EPHA7: variants seen among roughly 807,000 people sequenced by gnomAD.
The protein encoded by EPHA7 is EPH receptor A7.
In EPHA7, 25 loss-of-function variants were observed where a neutral mutation model predicts 112.6. That is an observed-to-expected ratio of 0.22 (90% CI 0.16 to 0.31). The LOEUF (loss-of-function observed/expected upper bound fraction) is 0.31. Ranked by LOEUF, EPHA7 falls within the 10% of genes least tolerant of loss-of-function variation. The probability of loss-of-function intolerance (pLI) is 1.00; values close to 1 mark genes in which losing one functional copy is unlikely to be tolerated. For missense variants in EPHA7, 962 were observed against 1,212.6 expected (o/e 0.79, Z 3.07); for synonymous variants, 437 against 406.5 (o/e 1.07, Z -0.90).
chr6:93,270,951 A>C (rs1771187916), intron 6 of EPHA7, among the ~76,000 whole-genome samples: 1 of 151,806 alleles, frequency 6.6e-6, no homozygotes, highest in Admixed American at 6.6e-5. Flanking sequence ...TGATTTGAAC[A>C]TATTTATTCT....
At chr6:93,283,774 G>T (rs757885935) in intron 5 of EPHA7, among the ~76,000 whole-genome samples, 4 of 152,134 alleles carry the variant, frequency 2.6e-5, no homozygotes, top group Non-Finnish European at 5.9e-5. Flanking sequence ...CTTCATTCTT[G>T]AAGTCAGTGA....
intron 5 of EPHA7, among the ~76,000 whole-genome samples, chr6:93,302,254 T>G (rs1430806859): frequency 6.6e-6 from 1 of 152,196 alleles, no homozygotes; most frequent in Non-Finnish European, 1.5e-5. Flanking sequence ...TTGAAGATTT[T>G]AGTCCCTAGC....
At position 93,246,823 on chromosome 6, in the gene EPHA7, T is replaced by C. The variant is rs1445240842; in HGVS notation, c.2695A>G (p.Ser899Gly). The C allele has an allele frequency of 6.2e-7, 1 of 1,612,376 alleles. No homozygotes were observed. Among genetic ancestry groups the C allele is most frequent in the Admixed American group, 1.7e-5 (1 of 60,008 alleles). ...CAAGTTCCCAGGGGAGTTTTCAGAC[T>C]ATTTGGGTTTCGAATCATTTTGTCT... The part of the protein sequence containing the change: ...ILDKMIRNPN[S>G]LKTPLGTCSR... The change falls in exon 15 of 17, where the codon AGT (serine) becomes GGT (glycine). Residue 899 changes from serine to glycine, a missense_variant. Physicochemically the swap from Ser to Gly is moderately conservative, Grantham distance 56 (BLOSUM62 0). Around this residue, in one of 3 missense-constraint regions of EPHA7, gnomAD observed 746 missense variants for 889.2 expected, o/e 0.84. Coordinates refer to ENST00000369303, the MANE Select transcript of EPHA7 (RefSeq NM_004440.4).
chr6:93,374,844 T>C (rs1028411864), intron 3 of EPHA7, among the ~76,000 whole-genome samples: 1 of 152,110 alleles, frequency 6.6e-6, no homozygotes, highest in African/African-American at 2.4e-5. Flanking sequence ...AATGTAAGAG[T>C]GTTTGGCACA....
chr6:93,397,178 G>T (rs1176160838), intron 3 of EPHA7, among the ~76,000 whole-genome samples: 1 of 151,550 alleles, frequency 6.6e-6, no homozygotes, highest in Non-Finnish European at 1.5e-5. Flanking sequence ...ACCAACACTT[G>T]TAAGAACACA....
intron 5 of EPHA7, among the ~76,000 whole-genome samples, chr6:93,285,253 T>C (rs1488261186): frequency 6.6e-6 from 1 of 152,228 alleles, no homozygotes; most frequent in Non-Finnish European, 1.5e-5. Context: ...ATTAATTTAC[T>C]ATATAATATT....
At chr6:93,337,632 A>G (rs1203462351) in intron 5 of EPHA7, among the ~76,000 whole-genome samples, 1 of 152,150 alleles carries the variant, frequency 6.6e-6, no homozygotes, top group African/African-American at 2.4e-5. Flanking sequence ...AGCTGGCAGG[A>G]AAAGAAAATA....
At chr6:93,281,154 G>T (rs554545530) in intron 5 of EPHA7, among the ~76,000 whole-genome samples, 8 of 152,046 alleles carry the variant, frequency 5.3e-5, no homozygotes, top group Non-Finnish European at 1.2e-4. Flanking sequence ...GCATGAGCTA[G>T]CTAGAAAAGT....
intron 6 of EPHA7, among the ~76,000 whole-genome samples, chr6:93,271,289 AAC>A (rs201454173): frequency 4.6e-5 from 7 of 150,824 alleles, no homozygotes; most frequent in Non-Finnish European, 8.9e-5. Context: ...TCTTTAAAAA[AAC>A]AAAGGTATCT....
intron 5 of EPHA7, among the ~76,000 whole-genome samples, chr6:93,280,538 C>A (rs1771681117): frequency 6.6e-6 from 1 of 152,024 alleles, no homozygotes; most frequent in Non-Finnish European, 1.5e-5. Flanking sequence ...TATGTTATAC[C>A]TGTCTATCTC....
intron 3 of EPHA7, among the ~76,000 whole-genome samples, chr6:93,375,880 C>A (rs544928130): frequency 6.6e-6 from 1 of 152,212 alleles, no homozygotes; most frequent in African/African-American, 2.4e-5. Context: ...AACAAAAGCT[C>A]CCATTTTCCT....
At chr6:93,417,725 G>T (rs1479241497) in intron 1 of EPHA7, among the ~76,000 whole-genome samples, 1 of 152,138 alleles carries the variant, frequency 6.6e-6, no homozygotes, top group Non-Finnish European at 1.5e-5. Context: ...CGTCAGGGGA[G>T]TAGAAATGTG....
intron 5 of EPHA7, among the ~76,000 whole-genome samples, chr6:93,298,031 G>A (rs1383587967): frequency 6.6e-6 from 1 of 151,990 alleles, no homozygotes. Flanking sequence ...GACATGTTTG[G>A]TATATCAATA....
At chr6:93,352,960 A>G (rs1043319478) in intron 5 of EPHA7, among the ~76,000 whole-genome samples, 1 of 152,044 alleles carries the variant, frequency 6.6e-6, no homozygotes, top group African/African-American at 2.4e-5. Context: ...CCAGAGGGAG[A>G]GGATTAGCAA....
chr6:93,387,932 TA>T (rs1777700797), intron 3 of EPHA7, among the ~76,000 whole-genome samples: 1 of 56,798 alleles, frequency 1.8e-5, no homozygotes, highest in Non-Finnish European at 5.0e-5. Context: ...GACAGATAGA[TA>T]GATAGATAGA....
In EPHA7 at chr6:93,279,184, C is replaced by T. The variant is rs889328579; in HGVS notation, c.1325-6762G>A. ...TTTTCCCTGAAGCAACCACTCTTAGCAATTTATTTGGTATCCTTCCAGAAA... is the reference window on the plus strand; with the variant it reads ...TTTTCCCTGAAGCAACCACTCTTAGTAATTTATTTGGTATCCTTCCAGAAA... On this transcript the variant is annotated intron_variant, in intron 5 of 16. Coordinates refer to ENST00000369303, the MANE Select transcript of EPHA7 (RefSeq NM_004440.4). 7.2e-5 allele frequency among the ~76,000 whole-genome samples: 11 copies of T among 152,268 alleles called. No individual in the cohort carries two copies. The South Asian group carries it at 1.2e-3, about 17-fold the overall frequency.
chr6:93,415,456 A>G (rs1779177237), intron 1 of EPHA7, among the ~76,000 whole-genome samples: 1 of 151,990 alleles, frequency 6.6e-6, no homozygotes, highest in African/African-American at 2.4e-5. Context: ...AATCACTTGT[A>G]TTTCACTTTT....
chr6:93,309,761 TCA>T (rs1266042921), intron 5 of EPHA7, among the ~76,000 whole-genome samples: 1 of 152,304 alleles, frequency 6.6e-6, no homozygotes, highest in East Asian at 1.9e-4. Flanking sequence ...AAATGAATAT[TCA>T]CAGAGACTAG....
At chr6:93,265,202 A>G (rs1181173259) in intron 7 of EPHA7, among the ~76,000 whole-genome samples, 36 of 151,706 alleles carry the variant, frequency 2.4e-4, no homozygotes, top group Non-Finnish European at 8.9e-5. Flanking sequence ...CATAAACATC[A>G]TAAATTTATA....
Sources: allele counts gnomAD v4.1 joint callset (sites outside exome capture counted in the v4.1 genomes callset), GRCh38; gene constraint gnomAD v4.1.1; regional missense constraint gnomAD v4.1.1; transcripts MANE v1.5; gene names NCBI Gene and HGNC (gene_info 2026-07-23, HGNC 2026-07-21).